USP46: variants seen among roughly 807,000 people sequenced by gnomAD.
USP46 encodes ubiquitin carboxyl-terminal hydrolase 46.
Under a neutral mutation model 44.4 loss-of-function variants are expected in USP46, and 12 were observed. The ratio of observed to expected loss-of-function variants is 0.27; its 90% CI spans 0.17 to 0.44. USP46 has a LOEUF of 0.44. Ranked by LOEUF, USP46 falls within the 20% of genes least tolerant of loss-of-function variation. USP46 has a pLI of 1.00. For synonymous variants in USP46, 155 were observed against 161.5 expected, an observed-to-expected ratio of 0.96 and a Z score of 0.31; for missense variants, 248 against 444.8, an observed-to-expected ratio of 0.56 and a Z score of 3.98.
intron 1 of USP46, among the ~76,000 whole-genome samples, chr4:52,632,775 C>G (rs913684436): frequency 6.6e-6 from 1 of 150,376 alleles, no homozygotes; most frequent in African/African-American, 2.5e-5. Context: ...GGCACCACTG[C>G]ACTCCAGCCT....
intron 4 of USP46, among the ~76,000 whole-genome samples, chr4:52,613,550 C>G (rs972375926): frequency 6.6e-6 from 1 of 151,892 alleles, no homozygotes; most frequent in East Asian, 1.9e-4. Flanking sequence ...GATAAAGCCC[C>G]GTCTCTACTA....
rs554810240 is a variant in USP46, at chr4:52,626,375, C to T, written c.332-128G>A. 1.0e-4 allele frequency: 79 copies of T among 758,418 alleles called. No individual in the cohort carries two copies. The African/African-American group carries it at 1.3e-3, about 12-fold the overall frequency. 47.0% of individuals were successfully genotyped at this position (758,418 alleles called of 1,614,324 possible). A position where few individuals can be genotyped will look rare whatever the true frequency, so the allele number is the denominator to read the frequency against. On this transcript the variant is annotated intron_variant, in intron 3 of 8. Transcript: ENST00000441222. ...GTCTCGCTGTGTCGCCAGGCTAGAG[C>T]GTAGTGGCATGATCTCAGTTCACTG...
At chr4:52,610,175 C>T (rs1268312053) in intron 5 of USP46, among the ~76,000 whole-genome samples, 9 of 151,660 alleles carry the variant, frequency 5.9e-5, no homozygotes, top group East Asian at 5.8e-4. Context: ...CCGCCCGTCT[C>T]GGCCTCCCAA....
rs7690812 is a variant in USP46 at position 52,591,428 on chromosome 4, T to C, written c.*6212A>G. On this transcript the variant is annotated 3_prime_UTR_variant, in exon 9 of 9. Coordinates refer to ENST00000441222, the MANE Select transcript of USP46 (RefSeq NM_022832.4). ...CAGTCTACAACACAAGTGCCTGAACTCCTTTTCCAAGAAGAGCTTCTGTAG... is the reference window on the plus strand; with the variant it reads ...CAGTCTACAACACAAGTGCCTGAACCCCTTTTCCAAGAAGAGCTTCTGTAG... The C allele has an allele frequency of 0.14, 21,071 of 152,182 alleles. 1,489 individuals are homozygous for C. Among genetic ancestry groups the C allele is most frequent in the African/African-American group, 0.19 (7,764 of 41,514 alleles). The allele number at this position is 152,182 out of a possible 1,614,324, so 9.4% of individuals were successfully genotyped here. A position where few individuals can be genotyped will look rare whatever the true frequency, so the allele number is the denominator to read the frequency against.
chr4:52,658,212 C>A, intron 1 of USP46: 2 of 455,894 alleles, frequency 4.4e-6, no homozygotes, highest in Non-Finnish European at 8.8e-6. Context: ...AATCTGAGCT[C>A]CCCAAAGGCT....
intron 1 of USP46, among the ~76,000 whole-genome samples, chr4:52,639,588 C>T (rs892720473): frequency 1.3e-5 from 2 of 152,202 alleles, no homozygotes; most frequent in Non-Finnish European, 2.9e-5. Flanking sequence ...CACAATCCTG[C>T]TAGCTAGAAT....
At chr4:52,654,466 T>C (rs929986949) in intron 1 of USP46, among the ~76,000 whole-genome samples, 2 of 152,222 alleles carry the variant, frequency 1.3e-5, no homozygotes, top group Non-Finnish European at 2.9e-5. Flanking sequence ...ACTATAAAAA[T>C]ACTCTAGTTT....
chr4:52,623,336 T>C (rs548975246), intron 4 of USP46, among the ~76,000 whole-genome samples: 2 of 152,200 alleles, frequency 1.3e-5, no homozygotes, highest in South Asian at 4.1e-4. Context: ...ATAAACTGAA[T>C]ATCAAAAGGA....
intron 4 of USP46, among the ~76,000 whole-genome samples, chr4:52,614,828 G>A (rs1002782935): frequency 6.6e-6 from 1 of 152,158 alleles, no homozygotes; most frequent in Admixed American, 6.5e-5. Context: ...CTACATAAAT[G>A]TAATATATAT....
At chr4:52,644,033 G>A (rs539948170) in intron 1 of USP46, among the ~76,000 whole-genome samples, 2 of 152,198 alleles carry the variant, frequency 1.3e-5, no homozygotes, top group African/African-American at 4.8e-5. Context: ...CCTAACCACC[G>A]GGCACTTACC....
chr4:52,603,630 T>C (rs1716563043), intron 6 of USP46, among the ~76,000 whole-genome samples: 1 of 152,200 alleles, frequency 6.6e-6, no homozygotes, highest in Non-Finnish European at 1.5e-5. Flanking sequence ...TGTAACTGTC[T>C]AGTGTGCAGG....
chr4:52,632,944 G>GA (rs1312243303), intron 1 of USP46, among the ~76,000 whole-genome samples: 2 of 62,926 alleles, frequency 3.2e-5, no homozygotes, highest in African/African-American at 1.7e-4. Context: ...AAGAAAGAAA[G>GA]AAAGAAAGAA....
intron 5 of USP46, among the ~76,000 whole-genome samples, chr4:52,609,073 A>G (rs544584645): frequency 1.1e-4 from 17 of 152,326 alleles, no homozygotes; most frequent in African/African-American, 4.1e-4. Flanking sequence ...GTATTCTCCT[A>G]TGACACAAAT....
chr4:52,651,214 A>G (rs1718760046), intron 1 of USP46: 1 of 152,074 alleles, frequency 6.6e-6, no homozygotes, highest in African/African-American at 2.4e-5. Context: ...CTTAAGCAAT[A>G]TTTTTTAAGA....
intron 4 of USP46, among the ~76,000 whole-genome samples, chr4:52,616,396 G>A (rs879047416): frequency 5.3e-5 from 8 of 151,572 alleles, no homozygotes; most frequent in Admixed American, 3.3e-4. Flanking sequence ...TCTTTGAGAC[G>A]GAGTCTTGCT....
intron 2 of USP46, 108 bp downstream of exon 2, chr4:52,630,956 A>G (rs1002766126): frequency 2.4e-5 from 22 of 911,854 alleles, no homozygotes; most frequent in Non-Finnish European, 3.4e-5. Flanking sequence ...CTAACTACGG[A>G]GCATGACCAA....
At chr4:52,610,514 G>A in intron 5 of USP46, 27 bp downstream of exon 5, 8 of 1,606,392 alleles carry the variant, frequency 5.0e-6, no homozygotes, top group South Asian at 1.1e-5. Flanking sequence ...CTGATCAAAA[G>A]CTCAAACTGC....
In USP46 at chr4:52,591,692, C is replaced by T. The variant is rs1297677623; in HGVS notation, c.*5948G>A. The T allele has an allele frequency of 6.6e-6, 1 of 152,140 alleles. No individual in the cohort carries two copies. The highest frequency in any genetic ancestry group is 1.5e-5 in the Non-Finnish European group (1 of 68,022). 9.4% of individuals were successfully genotyped at this position (152,140 alleles called of 1,614,324 possible). ...TGAAGCTATTTTTCCTTTGTAAGCT[C>T]CTGATGTCTTTTGTTCAAATCCCTT... is the stretch of plus-strand genomic sequence containing the variant. On this transcript the variant is annotated 3_prime_UTR_variant, in exon 9 of 9. Transcript: ENST00000441222.
At chr4:52,653,170 C>G (rs1043002628) in intron 1 of USP46, among the ~76,000 whole-genome samples, 3 of 152,110 alleles carry the variant, frequency 2.0e-5, no homozygotes, top group African/African-American at 7.2e-5. Context: ...TCCAAAAACC[C>G]TTTACTGTTA....
Sources: gnomAD v4.1 joint callset for allele counts (sites outside exome capture counted in the v4.1 genomes callset) on GRCh38, gnomAD v4.1.1 for gene constraint, MANE v1.5 for transcripts, NCBI Gene and HGNC (gene_info 2026-07-23, HGNC 2026-07-21) for gene names.